Variants in ZNF273 observed in about 807,000 individuals in gnomAD.
The protein encoded by ZNF273 is zinc finger protein 273, also known as zinc finger protein 9.
In ZNF273, 11 loss-of-function variants were observed where a neutral mutation model predicts 14.9. The observed-to-expected ratio is 0.74, with a 90% CI of 0.46 to 1.22. The LOEUF (loss-of-function observed/expected upper bound fraction) is 1.22. Ranked by LOEUF, ZNF273 falls within the 50% of genes most tolerant of loss-of-function variation. The pLI, the probability that ZNF273 is intolerant of heterozygous loss-of-function variation, is 0.00. For missense variants in ZNF273, 577 were observed against 660.6 expected, an observed-to-expected ratio of 0.87 and a Z score of 1.39; for synonymous variants, 199 against 223.9, an observed-to-expected ratio of 0.89 and a Z score of 0.99.
At chr7:64,917,329 A>G (rs1479681685) in intron 1 of ZNF273, among the ~76,000 whole-genome samples, 1 of 152,208 alleles carries the variant, frequency 6.6e-6, no homozygotes, top group Non-Finnish European at 1.5e-5. Context: ...TTGTGTTACT[A>G]ATTTTATACT....
downstream of ZNF273, chr7:64,893,696 C>CCACCCCTCCA (rs1792185850): frequency 7.9e-6 from 1 of 127,028 alleles, no homozygotes; most frequent in African/African-American, 3.1e-5. Flanking sequence ...CTCCCCCTCC[C>CCACCCCTCCA]CTCCCCCTCC....
chr7:64,891,952 G>T (rs552994933), downstream of ZNF273, among the ~76,000 whole-genome samples: 1 of 152,172 alleles, frequency 6.6e-6, no homozygotes, highest in Non-Finnish European at 1.5e-5. Flanking sequence ...GCCTTAGGAA[G>T]CTCCATGTTG....
chr7:64,888,304 T>C (rs1791732103), intron 1 of ZNF273: 2 of 985,320 alleles, frequency 2.0e-6, no homozygotes, highest in South Asian at 4.7e-5. Flanking sequence ...GTGAGCTCCG[T>C]GGCCTCGCAC....
At chr7:64,882,364 T>C (rs1159345999), downstream of ZNF273, 3 of 152,030 alleles carry the variant, frequency 2.0e-5, no homozygotes, top group Non-Finnish European at 4.4e-5. Flanking sequence ...GTCGAGACTT[T>C]TATAGTCCCG....
chr7:64,903,329 T>C lies in ZNF273; in HGVS notation c.12T>C (p.Ala4=). 6.2e-7 allele frequency: 1 copy of C among 1,612,430 alleles called. No homozygotes were observed. The highest frequency in any genetic ancestry group is 8.5e-7 in the Non-Finnish European group (1 of 1,178,808). The change falls in exon 1 of 4, where the codon GCT becomes GCC. Residue 4 remains alanine (A), a synonymous_variant. Transcript: ENST00000476120. ...GTCTTCACTGCTCTATGTCCTCTGC[T>C]CCTAGAGGTCCACCTTCTGTGGCCC... MSS[A]PRGPPSVAPL...
At chr7:64,878,174 C>T (rs1158697982) in intron 1 of ZNF273, among the ~76,000 whole-genome samples, 5 of 152,170 alleles carry the variant, frequency 3.3e-5, no homozygotes, top group Admixed American at 2.6e-4. Context: ...GGCTGCGGGG[C>T]GGCGTGTTTG....
intron 1 of ZNF273, among the ~76,000 whole-genome samples, chr7:64,915,587 C>A (rs1193207832): frequency 1.3e-5 from 2 of 152,212 alleles, no homozygotes; most frequent in Admixed American, 6.5e-5. Context: ...TTTAAGAAAG[C>A]CTTTAAGCGG....
chr7:64,903,505 C>G, intron 1 of ZNF273, 86 bp downstream of exon 1: 1 of 1,332,190 alleles, frequency 7.5e-7, no homozygotes, highest in Non-Finnish European at 1.1e-6. Context: ...ACTCCGGCCT[C>G]CCTGCAGTAG....
upstream of ZNF273, among the ~76,000 whole-genome samples, chr7:64,898,586 TAAAC>T (rs1259428847): frequency 6.6e-5 from 10 of 152,354 alleles, no homozygotes; most frequent in East Asian, 1.9e-4. Context: ...GTACTATAAA[TAAAC>T]AATCTTTTAC....
At chr7:64,916,951 T>C (rs1485470367) in intron 1 of ZNF273, 1 of 1,178,880 alleles carries the variant, frequency 8.5e-7, no homozygotes, top group African/African-American at 1.6e-5. Flanking sequence ...ACATTTAATC[T>C]GGAAGCTGCC....
the ZNF273 span, among the ~76,000 whole-genome samples, chr7:64,936,140 T>G: frequency 2.6e-5 from 4 of 152,252 alleles, no homozygotes; most frequent in Non-Finnish European, 4.4e-5. Flanking sequence ...CATATTATTA[T>G]TCTCTGATTT....
chr7:64,916,257 A>G (rs977028024), intron 1 of ZNF273, among the ~76,000 whole-genome samples: 2 of 151,572 alleles, frequency 1.3e-5, no homozygotes, highest in Non-Finnish European at 2.9e-5. Context: ...ATAACAACAT[A>G]AGATAGGCAC....
chr7:64,894,917 C>T (rs1321156331), intron 3 of ZNF273, among the ~76,000 whole-genome samples: 2 of 151,202 alleles, frequency 1.3e-5, no homozygotes, highest in Non-Finnish European at 2.9e-5. Context: ...ATCACGAGGT[C>T]AGGAGTTCAA....
intron 3 of ZNF273, among the ~76,000 whole-genome samples, chr7:64,926,524 TTGAG>T (rs762088309): frequency 1.7e-3 from 264 of 152,262 alleles, no homozygotes; most frequent in Admixed American, 4.2e-3. Flanking sequence ...ATTTAATTCA[TTGAG>T]TATTATTCAA....
intron 1 of ZNF273, among the ~76,000 whole-genome samples, chr7:64,912,834 T>TG (rs1294983195): frequency 2.0e-5 from 2 of 100,066 alleles, no homozygotes; most frequent in African/African-American, 3.3e-5. Flanking sequence ...TAGTTTTTTT[T>TG]TTTTTTTTTT....
In ZNF273 at chr7:64,911,235, C is replaced by T. The variant is rs114337100; in HGVS notation, c.103-6346C>T. Among the ~76,000 whole-genome samples the T allele has an allele frequency of 9.4e-3, 1,395 of 148,972 alleles. 15 individuals are homozygous for T. The highest frequency in any genetic ancestry group is 0.032 in the African/African-American group (1,325 of 40,780). On this transcript the variant is annotated intron_variant, in intron 1 of 3. Coordinates refer to ENST00000476120, the MANE Select transcript of ZNF273 (RefSeq NM_021148.3). ...TATTGATTTGTGTATGGTGAACCAA[C>T]TTTGCATTTTAAAGACAAAGCCTAC...
chr7:64,915,484 A>AG (rs1476837317), intron 1 of ZNF273, among the ~76,000 whole-genome samples: 3 of 152,220 alleles, frequency 2.0e-5, no homozygotes, highest in Non-Finnish European at 4.4e-5. Context: ...TGGGAAATAA[A>AG]GGGATGGGTT....
At chr7:64,932,217 CTG>C (rs969614315), downstream of ZNF273, among the ~76,000 whole-genome samples, 8 of 62,636 alleles carry the variant, frequency 1.3e-4, no homozygotes, top group Admixed American at 8.9e-4. Flanking sequence ...TTGTTTTTAA[CTG>C]TTTGTAAAAA....
At chr7:64,913,738 T>G (rs768034074) in intron 1 of ZNF273, among the ~76,000 whole-genome samples, 2 of 152,196 alleles carry the variant, frequency 1.3e-5, no homozygotes, top group Non-Finnish European at 2.9e-5. Context: ...GAGGACTTGT[T>G]TAAAACACCG....
Sources: gnomAD v4.1 joint callset for allele counts (sites outside exome capture counted in the v4.1 genomes callset) on GRCh38, gnomAD v4.1.1 for gene constraint, MANE v1.5 for transcripts, NCBI Gene and HGNC (gene_info 2026-07-23, HGNC 2026-07-21) for gene names.